The following UBE3D variants were observed in gnomAD, a reference collection of about 807,000 sequenced individuals.
UBE3D encodes the protein E3 ubiquitin-protein ligase E3D.
A neutral mutation model predicts 49.6 loss-of-function variants in UBE3D; 48 were observed. The ratio of observed to expected loss-of-function variants is 0.97; its 90% CI spans 0.77 to 1.23. The LOEUF (loss-of-function observed/expected upper bound fraction) is 1.23. UBE3D is among the 50% of genes most tolerant of loss of function. The probability of loss-of-function intolerance (pLI) is 0.00; values close to 1 mark genes in which losing one functional copy is unlikely to be tolerated. For missense variants in UBE3D, 452 were observed against 468.4 expected (o/e 0.96, Z 0.32); for synonymous variants, 189 against 174.2 (o/e 1.08, Z -0.67).
At chr6:82,887,507 G>C (rs907945648), downstream of UBE3D, among the ~76,000 whole-genome samples, 12 of 148,964 alleles carry the variant, frequency 8.1e-5, no homozygotes, top group Non-Finnish European at 1.3e-4. Flanking sequence ...TCAGGCGCTC[G>C]AGACCAGTCT....
chr6:83,050,203 A>G (rs909675945), intron 3 of UBE3D, among the ~76,000 whole-genome samples: 1 of 151,606 alleles, frequency 6.6e-6, no homozygotes, highest in African/African-American at 2.4e-5. Context: ...ACTGTCCTCT[A>G]TATCTTATTT....
At chr6:83,065,062 C>A (rs896758240) in intron 1 of UBE3D, among the ~76,000 whole-genome samples, 3 of 152,172 alleles carry the variant, frequency 2.0e-5, no homozygotes, top group African/African-American at 7.2e-5. Flanking sequence ...GACGTTCTCA[C>A]TGGAAGGAAG....
At chr6:82,946,865 A>C (rs925203447) in intron 9 of UBE3D, among the ~76,000 whole-genome samples, 1 of 152,014 alleles carries the variant, frequency 6.6e-6, no homozygotes, top group Admixed American at 6.6e-5. Context: ...ATGAATTATA[A>C]GATAGTTTTT....
chr6:83,009,999 C>T (rs1194391762), intron 8 of UBE3D, among the ~76,000 whole-genome samples: 2 of 151,684 alleles, frequency 1.3e-5, no homozygotes, highest in Non-Finnish European at 2.9e-5. Flanking sequence ...CTTAATATTT[C>T]TTTAAGAAGA....
intron 9 of UBE3D, among the ~76,000 whole-genome samples, chr6:82,948,509 T>C (rs1442569723): frequency 1.3e-5 from 2 of 152,044 alleles, no homozygotes; most frequent in Non-Finnish European, 2.9e-5. Context: ...AAACTCATTA[T>C]AGGAGGCCAG....
At chr6:83,059,157 G>T (rs1376090078) in intron 1 of UBE3D, among the ~76,000 whole-genome samples, 1 of 152,134 alleles carries the variant, frequency 6.6e-6, no homozygotes, top group Non-Finnish European at 1.5e-5. Context: ...TGAGGTGGGA[G>T]GATGGTTTGA....
At chr6:83,007,987 G>A (rs1367902090) in intron 8 of UBE3D, among the ~76,000 whole-genome samples, 1 of 152,140 alleles carries the variant, frequency 6.6e-6, no homozygotes, top group East Asian at 1.9e-4. Flanking sequence ...TTTGGCTCAT[G>A]TGATAGTAAG....
At position 83,022,453 on chromosome 6, in the gene UBE3D, C is replaced by T. The variant is rs1038505476; in HGVS notation, c.846G>A (p.Leu282=). Residue 282 remains leucine (L), a splice_region_variant and synonymous_variant, in exon 7 of 10, where the codon TTG becomes TTA. Transcript: ENST00000369747. Reference sequence around the variant, plus strand: ...AAAGCTGGATAAAATAATTTCTTACCAAGATATACACTTTGTCATCCTGAC... The same window carrying T: ...AAAGCTGGATAAAATAATTTCTTACTAAGATATACACTTTGTCATCCTGAC... ...IQGQDDKVYI[L]LWLLNSDSLV... 3 of 1,559,190 alleles carry T rather than the reference C, an allele frequency of 1.9e-6. No individual in the cohort carries two copies. The highest frequency in any genetic ancestry group is 2.6e-6 in the Non-Finnish European group (3 of 1,156,190).
At chr6:82,970,610 C>T (rs537926861) in intron 8 of UBE3D, among the ~76,000 whole-genome samples, 1 of 152,050 alleles carries the variant, frequency 6.6e-6, no homozygotes, top group East Asian at 1.9e-4. Context: ...GAGGTCGAGG[C>T]GGGCAGATCA....
At chr6:82,917,315 G>A (rs1204128431) in intron 9 of UBE3D, among the ~76,000 whole-genome samples, 1 of 152,090 alleles carries the variant, frequency 6.6e-6, no homozygotes, top group African/African-American at 2.4e-5. Flanking sequence ...AAGCCCCTGA[G>A]AAAAGAAGGT....
At chr6:82,915,666 T>G (rs1772865676) in intron 9 of UBE3D, among the ~76,000 whole-genome samples, 1 of 152,216 alleles carries the variant, frequency 6.6e-6, no homozygotes, top group South Asian at 2.1e-4. Flanking sequence ...TGAATTATAA[T>G]TTTTAAAGAT....
chr6:82,965,114 C>T (rs895143494), intron 8 of UBE3D, among the ~76,000 whole-genome samples: 2 of 152,168 alleles, frequency 1.3e-5, no homozygotes, highest in East Asian at 1.9e-4. Context: ...CAAGGTAAAT[C>T]TCCCACACAT....
the UBE3D span, among the ~76,000 whole-genome samples, chr6:82,882,584 G>A: frequency 6.6e-6 from 1 of 152,164 alleles, no homozygotes; most frequent in Non-Finnish European, 1.5e-5. Context: ...GCTGATGCCA[G>A]ACTGGAAAAG....
rs369281753 is a variant in UBE3D, at chr6:83,028,797, G to A, written c.668-4759C>T. Reference sequence around the variant, plus strand: ...TTCCTTTATCATTTCTTGTACAGCAGGTACGATAGGAATCCATTATTTCCA... The same window carrying A: ...TTCCTTTATCATTTCTTGTACAGCAAGTACGATAGGAATCCATTATTTCCA... On this transcript the variant is annotated intron_variant, in intron 5 of 9. Coordinates refer to ENST00000369747, the MANE Select transcript of UBE3D (RefSeq NM_198920.3). Among the ~76,000 whole-genome samples the A allele has an allele frequency of 5.9e-5, 9 of 151,968 alleles. No homozygotes were observed. The East Asian group carries it at 7.7e-4, about 13-fold the overall frequency.
intron 8 of UBE3D, among the ~76,000 whole-genome samples, chr6:83,009,140 A>G (rs1225679527): frequency 6.6e-6 from 1 of 152,166 alleles, no homozygotes; most frequent in Non-Finnish European, 1.5e-5. Context: ...TTCTACATAT[A>G]ATGAATATAA....
intron 8 of UBE3D, among the ~76,000 whole-genome samples, chr6:82,968,948 C>T (rs927293204): frequency 5.9e-5 from 9 of 152,064 alleles, no homozygotes; most frequent in African/African-American, 1.9e-4. Context: ...AATTATTAGG[C>T]CTTTTCTCAT....
chr6:82,917,525 C>G (rs945038222), intron 9 of UBE3D, among the ~76,000 whole-genome samples: 5 of 152,184 alleles, frequency 3.3e-5, no homozygotes, highest in Admixed American at 3.3e-4. Context: ...GGTGAAATTC[C>G]TAAGAGGCAT....
chr6:82,887,389 G>GTTTTTGTTTTGTTTTGT, the UBE3D span, among the ~76,000 whole-genome samples: 5,261 of 97,710 alleles, frequency 0.054, 338 homozygotes, highest in African/African-American at 0.11. Context: ...GACAGTAACA[G>GTTTTTGTTTTGTTTTGT]TTTTTTTTTT....
chr6:82,959,340 C>T (rs1415427396), intron 8 of UBE3D, among the ~76,000 whole-genome samples: 1 of 151,436 alleles, frequency 6.6e-6, no homozygotes, highest in African/African-American at 2.4e-5. Context: ...AGGCTCTTTG[C>T]TGATCCGCTC....
Sources: gnomAD v4.1 joint callset for allele counts (sites outside exome capture counted in the v4.1 genomes callset) on GRCh38, gnomAD v4.1.1 for gene constraint, MANE v1.5 for transcripts, NCBI Gene and HGNC (gene_info 2026-07-23, HGNC 2026-07-21) for gene names.